CNTNAP5: variants seen among roughly 807,000 people sequenced by gnomAD.
CNTNAP5 encodes the protein contactin-associated protein-like 5.
CNTNAP5 carries 72 observed loss-of-function variants against 150.2 expected under a neutral mutation model. The ratio of observed to expected loss-of-function variants is 0.48; its 90% confidence interval spans 0.40 to 0.58. The LOEUF is 0.58. CNTNAP5 is among the 20% of genes least tolerant of loss of function. The pLI is 0.00. For synonymous variants in CNTNAP5, 672 were observed against 619.8 expected (o/e 1.08, Z -1.25); for missense variants, 1,636 against 1,626.2 (o/e 1.01, Z -0.10).
chr2:124,759,407 A>G (rs2105159732), intron 14 of CNTNAP5, among the ~76,000 whole-genome samples: 1 of 147,018 alleles, frequency 6.8e-6, no homozygotes, highest in Non-Finnish European at 1.5e-5. Context: ...ATATATCTAT[A>G]TATACACATT....
chr2:124,518,887 G>T (rs188774690), intron 8 of CNTNAP5, among the ~76,000 whole-genome samples: 2 of 151,214 alleles, frequency 1.3e-5, no homozygotes, highest in East Asian at 3.9e-4. Flanking sequence ...TACTCAGGAG[G>T]CTGAGCCAGG....
chr2:124,846,324 T>C (rs1683046866), intron 19 of CNTNAP5, among the ~76,000 whole-genome samples: 1 of 152,296 alleles, frequency 6.6e-6, no homozygotes, highest in South Asian at 2.1e-4. Flanking sequence ...TTCACAGCCT[T>C]GTCTGTGAGC....
intron 1 of CNTNAP5, among the ~76,000 whole-genome samples, chr2:124,060,390 C>T (rs529273469): frequency 2.6e-5 from 4 of 152,242 alleles, no homozygotes; most frequent in Admixed American, 6.5e-5. Context: ...ATTGGGGGAC[C>T]GATAAAATTA....
chr2:124,459,130 C>G (rs1250967558), intron 6 of CNTNAP5, among the ~76,000 whole-genome samples: 1 of 152,206 alleles, frequency 6.6e-6, no homozygotes, highest in Non-Finnish European at 1.5e-5. Context: ...TACCCACTAA[C>G]TTATCAAAAA....
chr2:124,255,571 AAATAAAATAAAAT>A (rs1456291624), intron 3 of CNTNAP5, among the ~76,000 whole-genome samples: 6 of 85,238 alleles, frequency 7.0e-5, no homozygotes, highest in African/African-American at 1.5e-4. Flanking sequence ...AAATAAAATA[AAATAAAATAAAAT>A]AATAATTTTT....
At chr2:124,592,611 A>T (rs1696714595) in intron 11 of CNTNAP5, among the ~76,000 whole-genome samples, 1 of 152,080 alleles carries the variant, frequency 6.6e-6, no homozygotes, top group Non-Finnish European at 1.5e-5. Context: ...ATGATCCAAA[A>T]GATTGACAAC....
Position 124,597,033 on chromosome 2 carries a change from CTCTGT to C in CNTNAP5, c.1757-12767_1757-12763del, listed in dbSNP as rs1696843701. Among the ~76,000 whole-genome samples, 6 of 2,792 alleles carry C rather than the reference CTCTGT, an allele frequency of 2.1e-3. No homozygotes were observed. In the South Asian group the frequency reaches 0.5, roughly 233 times the overall value. 1.8% of individuals were successfully genotyped at this position (2,792 alleles called of 152,430 possible). ...CCTTTTATTTTGAGCCTATGTGTGT[CTCTGT>C]ACGTGAGATGGGTTTCCTGAATACA... On this transcript the variant is annotated intron_variant, in intron 11 of 23. Coordinates refer to ENST00000682447, the MANE Select transcript of CNTNAP5 (RefSeq NM_001367498.1).
intron 12 of CNTNAP5, among the ~76,000 whole-genome samples, chr2:124,632,207 T>C (rs984900741): frequency 5.9e-5 from 9 of 152,206 alleles, no homozygotes; most frequent in Admixed American, 3.3e-4. Context: ...ACTGGGTATA[T>C]GCCCAGTGGA....
At chr2:124,336,481 G>A (rs1006947572) in intron 3 of CNTNAP5, among the ~76,000 whole-genome samples, 11 of 150,702 alleles carry the variant, frequency 7.3e-5, no homozygotes, top group East Asian at 2.0e-4. Flanking sequence ...CCATTGACTC[G>A]TCATTTAACA....
chr2:124,546,422 G>A lies in CNTNAP5; in HGVS notation c.1650-16795G>A, dbSNP rs182239825. ...CTCATGCTTATAAACTGTGCAAGGG[G>A]GGAAGTCACTGAAAGCTATGCACAA... On this transcript the variant is annotated intron_variant, in intron 10 of 23. Transcript: ENST00000682447. 6.3e-4 allele frequency among the ~76,000 whole-genome samples: 96 copies of A among 152,128 alleles called. 1 individual carries two copies. Among genetic ancestry groups the A allele is most frequent in the Admixed American group, 5.8e-3 (89 of 15,282 alleles).
At chr2:124,760,181 C>T (rs1680929072) in intron 14 of CNTNAP5, among the ~76,000 whole-genome samples, 1 of 151,696 alleles carries the variant, frequency 6.6e-6, no homozygotes, top group Admixed American at 6.6e-5. Flanking sequence ...TGAGGTTGAT[C>T]CACTCAGATT....
chr2:124,889,924 G>A (rs1214977837), intron 21 of CNTNAP5, among the ~76,000 whole-genome samples: 1 of 151,996 alleles, frequency 6.6e-6, no homozygotes, highest in African/African-American at 2.4e-5. Context: ...TTTTTTAGAA[G>A]AATTACTGAG....
intron 1 of CNTNAP5, among the ~76,000 whole-genome samples, chr2:124,113,871 A>T (rs1039166753): frequency 7.2e-5 from 11 of 151,742 alleles, no homozygotes; most frequent in Admixed American, 5.9e-4. Flanking sequence ...TGAAAAGATC[A>T]TTTTTTCACT....
chr2:124,277,961 T>C (rs552344304), intron 3 of CNTNAP5, among the ~76,000 whole-genome samples: 77 of 152,246 alleles, frequency 5.1e-4, no homozygotes, highest in African/African-American at 1.8e-3. Context: ...GCCCCTGTTC[T>C]CCCAGCAGAG....
intron 2 of CNTNAP5, among the ~76,000 whole-genome samples, chr2:124,240,995 T>C (rs1490476730): frequency 6.6e-6 from 1 of 152,176 alleles, no homozygotes; most frequent in Non-Finnish European, 1.5e-5. Flanking sequence ...AAAAGGTTAT[T>C]GATTAACTCC....
chr2:124,820,173 C>G (rs778416790), intron 19 of CNTNAP5, among the ~76,000 whole-genome samples: 2 of 152,104 alleles, frequency 1.3e-5, no homozygotes, highest in Non-Finnish European at 2.9e-5. Context: ...TTATATTAAG[C>G]CTTTAGTCTG....
intron 3 of CNTNAP5, among the ~76,000 whole-genome samples, chr2:124,410,482 A>C (rs2104768807): frequency 6.8e-6 from 1 of 146,488 alleles, no homozygotes; most frequent in African/African-American, 2.5e-5. Context: ...CTTGGAAGTA[A>C]AGCTCTCCTC....
At chr2:124,680,019 T>C (rs1322547014) in intron 13 of CNTNAP5, among the ~76,000 whole-genome samples, 2 of 151,876 alleles carry the variant, frequency 1.3e-5, no homozygotes, top group Non-Finnish European at 2.9e-5. Context: ...TTTTATCCTA[T>C]GGATACCCTG....
chr2:124,811,709 G>GC (rs911757052), intron 19 of CNTNAP5, among the ~76,000 whole-genome samples: 2 of 137,132 alleles, frequency 1.5e-5, no homozygotes, highest in South Asian at 2.1e-4. Flanking sequence ...TAGGAGGCGG[G>GC]GGGGGTGGAT....
Sources: gnomAD v4.1 joint callset for allele counts (sites outside exome capture counted in the v4.1 genomes callset) on GRCh38, gnomAD v4.1.1 for gene constraint, MANE v1.5 for transcripts, NCBI Gene and HGNC (gene_info 2026-07-23, HGNC 2026-07-21) for gene names.